The following CDA variants were observed in gnomAD, a reference collection of about 807,000 sequenced individuals.
CDA encodes cytidine deaminase, also known as cytidine aminohydrolase.
In CDA, 7 loss-of-function variants were observed where a neutral mutation model predicts 15.0. That is an observed-to-expected ratio of 0.47 (90% CI 0.26 to 0.87). The LOEUF (loss-of-function observed/expected upper bound fraction) is 0.87, where lower values mean the gene tolerates loss of function less well. CDA is among the 40% of genes least tolerant of loss of function. The pLI is 0.15. For synonymous variants in CDA, 58 were observed against 73.0 expected (o/e 0.79, Z 1.05); for missense variants, 159 against 182.7 (o/e 0.87, Z 0.75).
chr1:20,589,609 G>A (rs562476238), intron 1 of CDA, among the ~76,000 whole-genome samples: 1 of 152,260 alleles, frequency 6.6e-6, no homozygotes, highest in South Asian at 2.1e-4. Context: ...CCCAGCCTCG[G>A]ATATGTCTGG....
intron 2 of CDA, among the ~76,000 whole-genome samples, 163 bp from the exon 3 acceptor site, chr1:20,613,679 G>A (rs2052774733): frequency 6.6e-6 from 1 of 152,216 alleles, no homozygotes; most frequent in Non-Finnish European, 1.5e-5. Flanking sequence ...AAGCCACCAC[G>A]TGGCCTTCTC....
At chr1:20,612,457 C>G (rs867771642) in intron 2 of CDA, among the ~76,000 whole-genome samples, 3 of 152,076 alleles carry the variant, frequency 2.0e-5, no homozygotes, top group Admixed American at 1.3e-4. Flanking sequence ...TCCACCCCCC[C>G]ACCACCGACA....
intron 3 of CDA, among the ~76,000 whole-genome samples, chr1:20,616,661 C>T (rs1027808395): frequency 3.9e-5 from 6 of 152,020 alleles, no homozygotes; most frequent in African/African-American, 9.7e-5. Flanking sequence ...TGTTGGCAAA[C>T]GAGAGAAGGC....
chr1:20,617,852 C>T (rs1419119740), intron 3 of CDA, among the ~76,000 whole-genome samples: 7 of 151,918 alleles, frequency 4.6e-5, no homozygotes, highest in African/African-American at 1.7e-4. Context: ...CTTGCCACCA[C>T]GCCTGGCTAA....
At chr1:20,602,265 C>T (rs527744076) in intron 1 of CDA, among the ~76,000 whole-genome samples, 2 of 152,006 alleles carry the variant, frequency 1.3e-5, no homozygotes, top group African/African-American at 2.4e-5. Flanking sequence ...AGACCAGGGG[C>T]GGGCTGGAGT....
rs749588307 is a variant in CDA at position 20,604,914 on chromosome 1, T to A, written c.155-14T>A. 14 of 1,562,278 alleles carry A rather than the reference T, an allele frequency of 9.0e-6. No individual in the cohort carries two copies. Among genetic ancestry groups the A allele is most frequent in the Non-Finnish European group, 1.1e-5 (13 of 1,135,592 alleles). On this transcript the variant is annotated splice_polypyrimidine_tract_variant and intron_variant, in intron 1 of 3. Coordinates refer to ENST00000375071, the MANE Select transcript of CDA (RefSeq NM_001785.3). Reference sequence around the variant, plus strand: ...CTCTGCCAGACATACCACTGGACTCTGCTCTCTTCTCAGGGTGCAACATAG... The same window carrying A: ...CTCTGCCAGACATACCACTGGACTCAGCTCTCTTCTCAGGGTGCAACATAG...
intron 1 of CDA, among the ~76,000 whole-genome samples, chr1:20,597,729 C>T (rs2052602853): frequency 6.6e-6 from 1 of 152,198 alleles, no homozygotes; most frequent in Non-Finnish European, 1.5e-5. Flanking sequence ...ATCCCAATCT[C>T]TCTCATGTAT....
intron 2 of CDA, among the ~76,000 whole-genome samples, chr1:20,611,479 C>T (rs1208744196): frequency 6.6e-6 from 1 of 152,166 alleles, no homozygotes; most frequent in East Asian, 1.9e-4. Context: ...CTCCCGGGTT[C>T]AAGTGATTCT....
intron 1 of CDA, among the ~76,000 whole-genome samples, chr1:20,604,497 G>A (rs151009228): frequency 6.6e-6 from 1 of 152,234 alleles, no homozygotes; most frequent in African/African-American, 2.4e-5. Flanking sequence ...CCATCACTTT[G>A]GGGGCTAGGA....
chr1:20,613,798 T>A (rs1389297086), intron 2 of CDA, 44 bp from the exon 3 acceptor site: 1 of 1,580,094 alleles, frequency 6.3e-7, no homozygotes. Context: ...TTGTCCTCAG[T>A]CCTTGGGAGA....
chr1:20,599,980 G>C (rs1223356597), intron 1 of CDA, among the ~76,000 whole-genome samples: 1 of 152,212 alleles, frequency 6.6e-6, no homozygotes, highest in Non-Finnish European at 1.5e-5. Context: ...GAGCCAGTTG[G>C]GCAAAGAGTC....
At chr1:20,616,382 T>G (rs775393642) in intron 3 of CDA, among the ~76,000 whole-genome samples, 1 of 152,142 alleles carries the variant, frequency 6.6e-6, no homozygotes, top group African/African-American at 2.4e-5. Flanking sequence ...TTTCAAAGCA[T>G]CTGGGGATGC....
At chr1:20,612,718 G>C (rs2052763989) in intron 2 of CDA, among the ~76,000 whole-genome samples, 1 of 151,962 alleles carries the variant, frequency 6.6e-6, no homozygotes, top group Non-Finnish European at 1.5e-5. Flanking sequence ...GCCGAGGTGG[G>C]CGGATCATGA....
chr1:20,598,124 T>C (rs2052606021), intron 1 of CDA, among the ~76,000 whole-genome samples: 1 of 152,208 alleles, frequency 6.6e-6, no homozygotes, highest in Non-Finnish European at 1.5e-5. Context: ...ATTTATTATT[T>C]ATATACACTT....
At chr1:20,610,389 C>T (rs182888860) in intron 2 of CDA, among the ~76,000 whole-genome samples, 239 of 151,380 alleles carry the variant, frequency 1.6e-3, no homozygotes, top group African/African-American at 5.7e-3. Context: ...GCAACCTCTA[C>T]CTCCCAGGTT....
In CDA at chr1:20,600,303, G is replaced by T. The variant is rs571169526; in HGVS notation, c.155-4625G>T. Among the ~76,000 whole-genome samples, 241 of 152,308 alleles carry T rather than the reference G, an allele frequency of 1.6e-3. 1 individual carries two copies. The highest frequency in any genetic ancestry group is 7.9e-3 in the South Asian group (38 of 4,824). Reference sequence around the variant, plus strand: ...GTGTCAGACTTTAGTCAGGGATCGGGCAGGGAAGCTGGAAGGGCGGGGCTG... The same window carrying T: ...GTGTCAGACTTTAGTCAGGGATCGGTCAGGGAAGCTGGAAGGGCGGGGCTG... On this transcript the variant is annotated intron_variant, in intron 1 of 3. Transcript: ENST00000375071.
At chr1:20,611,467 G>A (rs761769546) in intron 2 of CDA, among the ~76,000 whole-genome samples, 5 of 152,260 alleles carry the variant, frequency 3.3e-5, no homozygotes, top group Admixed American at 6.5e-5. Flanking sequence ...TGCAACCCCC[G>A]CCTCCCGGGT....
chr1:20,593,423 G>A (rs1416113462), intron 1 of CDA, among the ~76,000 whole-genome samples: 1 of 152,196 alleles, frequency 6.6e-6, no homozygotes, highest in Non-Finnish European at 1.5e-5. Context: ...CAAGGGTAGT[G>A]CTTGTCTCAG....
At chr1:20,590,043 G>C (rs973029969) in intron 1 of CDA, among the ~76,000 whole-genome samples, 6 of 152,216 alleles carry the variant, frequency 3.9e-5, no homozygotes, top group Non-Finnish European at 8.8e-5. Context: ...ATTCAAGCTT[G>C]TTTTTGCTAA....
Sources: allele counts gnomAD v4.1 joint callset (sites outside exome capture counted in the v4.1 genomes callset), GRCh38; gene constraint gnomAD v4.1.1; transcripts MANE v1.5; gene names NCBI Gene and HGNC (gene_info 2026-07-23, HGNC 2026-07-21).